Variants in ALG13 observed in about 807,000 individuals in gnomAD.
The protein encoded by ALG13 is UDP-N-acetylglucosamine transferase subunit ALG13.
A neutral mutation model predicts 87.8 loss-of-function variants in ALG13; 11 were observed. That is an observed-to-expected ratio of 0.13 (90% CI 0.08 to 0.21). The LOEUF is 0.21. Among genes scored for constraint, ALG13 ranks in the 10% least tolerant of loss-of-function variants. The pLI is 1.00. For missense variants in ALG13, 756 were observed against 866.1 expected (o/e 0.87, Z 1.60); for synonymous variants, 320 against 306.3 (o/e 1.04, Z -0.47).
intron 3 of ALG13, among the ~76,000 whole-genome samples, chrX:111,694,433 A>G (rs937157816): frequency 8.9e-6 from 1 of 112,325 alleles, no homozygotes; most frequent in African/African-American, 3.2e-5. Context: ...AACTAACCTT[A>G]ATATTCTTAT....
chrX:111,689,687 T>C, intron 3 of ALG13: 1 of 713,077 alleles, frequency 1.4e-6, no homozygotes, highest in African/African-American at 2.3e-5. Flanking sequence ...CATATTCAGA[T>C]TTTACCATTT....
At chrX:111,722,756 G>C in intron 12 of ALG13, 37 bp from the exon 13 acceptor site, 1 of 1,016,590 alleles carries the variant, frequency 9.8e-7, no homozygotes, top group Middle Eastern at 2.5e-4. Flanking sequence ...AAAGGAACCA[G>C]TTTAGTTGAG....
intron 24 of ALG13, among the ~76,000 whole-genome samples, chrX:111,749,745 A>T (rs918599399): frequency 1.8e-5 from 2 of 111,372 alleles, no homozygotes; most frequent in Non-Finnish European, 3.8e-5. Flanking sequence ...TAGTAAACAG[A>T]ATTTTAAAAC....
At chrX:111,747,905 G>T (rs901053283) in intron 24 of ALG13, among the ~76,000 whole-genome samples, 25 of 112,487 alleles carry the variant, frequency 2.2e-4, no homozygotes, top group Admixed American at 1.3e-3. Context: ...ATACCATTTT[G>T]CATTCCCACC....
chrX:111,732,859 T>C (rs1942848486), intron 21 of ALG13, among the ~76,000 whole-genome samples: 1 of 111,731 alleles, frequency 9.0e-6, no homozygotes, highest in African/African-American at 3.3e-5. Flanking sequence ...ATTACTATTC[T>C]CATATCATGT....
intron 3 of ALG13, chrX:111,689,711 C>CT: frequency 1.4e-6 from 1 of 708,657 alleles, no homozygotes; most frequent in Non-Finnish European, 1.7e-6. Flanking sequence ...TAAAGTATAG[C>CT]TTTTGGCAGA....
At chrX:111,728,060 G>A (rs1464058476) in intron 18 of ALG13, 125 bp from the exon 19 acceptor site, 2 of 875,863 alleles carry the variant, frequency 2.3e-6, no homozygotes, top group African/African-American at 4.0e-5. Context: ...TAATTACAGA[G>A]TTCTCTTACA....
At chrX:111,689,454 G>A (rs1246443677) in intron 3 of ALG13, 2 of 751,614 alleles carry the variant, frequency 2.7e-6, no homozygotes, top group Non-Finnish European at 3.1e-6. Context: ...AGGCTATACA[G>A]CCCCTAAATC....
chrX:111,695,479 C>T (rs1308879675), intron 3 of ALG13, among the ~76,000 whole-genome samples: 2 of 107,373 alleles, frequency 1.9e-5, no homozygotes, highest in Admixed American at 2.0e-4. Flanking sequence ...GCCAAGATTG[C>T]GCCATTGCAC....
chrX:111,700,038 G>GTT lies in ALG13; in HGVS notation c.384-7974_384-7973dup, dbSNP rs779900750. On this transcript the variant is annotated intron_variant, in intron 3 of 26. Transcript: ENST00000394780. ...GGGATATTGTTCCGTTTATTTGTGG[G>GTT]TTTTTTTTTTTTTTTTCAGTTTTTT... Among the ~76,000 whole-genome samples, 676 of 78,738 alleles carry GTT rather than the reference G, an allele frequency of 8.6e-3. 9 individuals are homozygous for GTT. Among genetic ancestry groups the GTT allele is most frequent in the African/African-American group, 0.031 (642 of 20,922 alleles). The allele number at this position is 78,738 out of a possible 115,157, so 68.4% of individuals were successfully genotyped here. A position where few individuals can be genotyped will look rare whatever the true frequency, so the allele number is the denominator to read the frequency against.
chrX:111,755,794 T>C (rs749571061), intron 25 of ALG13, among the ~76,000 whole-genome samples: 2 of 112,136 alleles, frequency 1.8e-5, no homozygotes, highest in South Asian at 7.4e-4. Flanking sequence ...TGTGGAGAAA[T>C]AGGAACACTT....
chrX:111,730,645 A>T (rs924828993), intron 21 of ALG13, 65 bp downstream of exon 21: 1 of 835,374 alleles, frequency 1.2e-6, no homozygotes, highest in Non-Finnish European at 1.7e-6. Context: ...GTTAAGAGCT[A>T]TACATATAAA....
Position 111,757,639 on chromosome X carries a change from C to G in ALG13, c.3025C>G (p.Gln1009Glu), listed in dbSNP as rs1945388659. ...CATGGTCTATGTGCCACAGATGCAG[C>G]AGCAGCTTCATGTAGAGAATTATCC... is the stretch of plus-strand genomic sequence containing the variant. ...HSMVYVPQMQ[Q>E]QLHVENYPVY... is the part of the protein sequence containing the mutation. The change falls in exon 26 of 27, where the codon CAG (glutamine) becomes GAG (glutamate). Residue 1009 changes from glutamine (Q) to glutamate (E), a missense_variant. Physicochemically the swap from Gln to Glu is conservative, Grantham distance 29. Around this residue, in one of 9 missense-constraint regions of ALG13, gnomAD observed 110 missense variants for 104.9 expected, o/e 1.05. Transcript: ENST00000394780. 1 of 1,209,236 alleles carries G rather than the reference C, an allele frequency of 8.3e-7. No homozygotes were observed. The highest frequency in any genetic ancestry group is 1.1e-6 in the Non-Finnish European group (1 of 894,019).
At chrX:111,727,111 A>C (rs1009530074) in intron 16 of ALG13, 56 bp downstream of exon 16, 18 of 1,166,307 alleles carry the variant, frequency 1.5e-5, no homozygotes, top group Non-Finnish European at 2.1e-5. Context: ...AAGCAATTGA[A>C]GAGATCCAAG....
intron 3 of ALG13, chrX:111,686,305 TTAAAA>T (rs1569511111): frequency 8.5e-6 from 3 of 351,786 alleles, no homozygotes; most frequent in Non-Finnish European, 1.3e-5. Flanking sequence ...GAAATTAATT[TTAAAA>T]TAAAAAACCT....
intron 23 of ALG13, among the ~76,000 whole-genome samples, chrX:111,744,163 C>T (rs927119321): frequency 1.8e-5 from 2 of 111,435 alleles, no homozygotes; most frequent in African/African-American, 3.3e-5. Flanking sequence ...AGAAATGGAA[C>T]GTTCATGATT....
intron 25 of ALG13, among the ~76,000 whole-genome samples, chrX:111,756,111 G>A (rs1019057855): frequency 8.9e-6 from 1 of 112,051 alleles, no homozygotes; most frequent in African/African-American, 3.3e-5. Context: ...CATGTCCTTT[G>A]TAGGGACATG....
chrX:111,760,114 T>G lies in ALG13; in HGVS notation c.*115T>G, dbSNP rs1380594253. 3.6e-5 allele frequency: 29 copies of G among 798,158 alleles called. No homozygotes were observed. Among genetic ancestry groups the G allele is most frequent in the Non-Finnish European group, 4.8e-5 (28 of 582,117 alleles). The allele number at this position is 798,158 out of a possible 1,213,427, so 65.8% of individuals were successfully genotyped here. On this transcript the variant is annotated 3_prime_UTR_variant, in exon 27 of 27. Coordinates refer to ENST00000394780, the MANE Select transcript of ALG13 (RefSeq NM_001099922.3). ...GGTGATTAGTGTTTACTATTGTATT[T>G]GTCTTTAAAATTATTTTATCTTTTG...
At chrX:111,709,671 G>A (rs1242408785) in intron 5 of ALG13, among the ~76,000 whole-genome samples, 16 of 108,281 alleles carry the variant, frequency 1.5e-4, no homozygotes, top group Non-Finnish European at 5.7e-5. Context: ...TAATGAAATT[G>A]GAGGCTTCCT....
Sources: allele counts gnomAD v4.1 joint callset (sites outside exome capture counted in the v4.1 genomes callset), GRCh38; gene constraint gnomAD v4.1.1; regional missense constraint gnomAD v4.1.1; transcripts MANE v1.5; gene names NCBI Gene and HGNC (gene_info 2026-07-23, HGNC 2026-07-21).